Variants in VWA8 observed in about 807,000 individuals in gnomAD.
VWA8 encodes the protein von Willebrand factor A domain containing 8.
Under a neutral mutation model 241.5 loss-of-function variants are expected in VWA8, and 221 were observed. That is an observed-to-expected ratio of 0.91 (90% CI 0.82 to 1.02). VWA8 has a LOEUF of 1.02. Ranked by LOEUF, VWA8 falls within the 50% of genes least tolerant of loss-of-function variation. The pLI, the probability that VWA8 is intolerant of heterozygous loss-of-function variation, is 0.00. For synonymous variants in VWA8, 852 were observed against 827.1 expected (o/e 1.03, Z -0.52); for missense variants, 2,322 against 2,328.7 (o/e 1.00, Z 0.06).
intron 37 of VWA8, among the ~76,000 whole-genome samples, chr13:41,618,191 A>C (rs994198903): frequency 3.4e-4 from 52 of 152,224 alleles, no homozygotes; most frequent in African/African-American, 1.2e-3. Context: ...GAGATGGTAT[A>C]CCATTGTGGT....
chr13:41,667,607 C>G (rs1034651013), intron 37 of VWA8, among the ~76,000 whole-genome samples: 2 of 152,136 alleles, frequency 1.3e-5, no homozygotes, highest in African/African-American at 4.8e-5. Flanking sequence ...AAGCTATAAC[C>G]TTTTAAGCCT....
chr13:41,820,791 T>G (rs1394545931), intron 14 of VWA8, among the ~76,000 whole-genome samples: 1 of 152,156 alleles, frequency 6.6e-6, no homozygotes, highest in Non-Finnish European at 1.5e-5. Flanking sequence ...GAAAATCCTG[T>G]GAGGGAAAGC....
intron 26 of VWA8, among the ~76,000 whole-genome samples, chr13:41,705,784 G>A (rs1275018655): frequency 6.6e-6 from 1 of 152,172 alleles, no homozygotes; most frequent in Non-Finnish European, 1.5e-5. Flanking sequence ...AAGGAAGAGA[G>A]TAGAGAGAAG....
chr13:41,745,846 T>A (rs1267098608), intron 21 of VWA8, among the ~76,000 whole-genome samples: 1 of 152,210 alleles, frequency 6.6e-6, no homozygotes, highest in East Asian at 1.9e-4. Context: ...GACCCAGAGT[T>A]GTTTTTATTT....
chr13:41,590,781 A>G lies in VWA8; in HGVS notation c.4987-16T>C, dbSNP rs768306929. On this transcript the variant is annotated splice_polypyrimidine_tract_variant and intron_variant, in intron 40 of 44. Coordinates refer to ENST00000379310, the MANE Select transcript of VWA8 (RefSeq NM_015058.2). ...TACCTTTAGCCTACAAAAGACACAC[A>G]TACACACACAAAGCCTTAATTAGTT... The G allele has an allele frequency of 6.8e-6, 11 of 1,613,448 alleles. No homozygotes were observed. Among genetic ancestry groups the G allele is most frequent in the Non-Finnish European group, 9.3e-6 (11 of 1,179,552 alleles).
chr13:41,696,272 C>T (rs2045215296), intron 29 of VWA8, among the ~76,000 whole-genome samples: 1 of 152,132 alleles, frequency 6.6e-6, no homozygotes, highest in African/African-American at 2.4e-5. Flanking sequence ...ATACTTATAA[C>T]TCAGAATTTG....
In VWA8 at chr13:41,885,925, T is replaced by C. The variant is rs779815752; in HGVS notation, c.970A>G (p.Ile324Val). ...CATTAATTTATTTTACTTACCAAGA[T>C]TTGAACCGCAGCTGCTAAACTATCT... ...PLDSLAAAVQ[I>V]LDSFPMMPIK... Residue 324 changes from isoleucine (I) to valine (V), a missense_variant, in exon 8 of 45, where the codon ATC becomes GTC. Physicochemically the swap from Ile to Val is conservative, Grantham distance 29. Transcript: ENST00000379310. 34 of 1,577,606 alleles carry C rather than the reference T, an allele frequency of 2.2e-5. 1 individual carries two copies. The highest frequency in any genetic ancestry group is 1.7e-4 in the Middle Eastern group (1 of 5,966).
intron 9 of VWA8, among the ~76,000 whole-genome samples, chr13:41,882,787 G>C (rs947300437): frequency 1.4e-4 from 19 of 133,098 alleles, no homozygotes; most frequent in Admixed American, 1.2e-3. Context: ...ATCAGAGGGA[G>C]ACCGTGGAAA....
At chr13:41,747,251 G>C (rs181333298) in intron 21 of VWA8, among the ~76,000 whole-genome samples, 1 of 152,232 alleles carries the variant, frequency 6.6e-6, no homozygotes, top group East Asian at 1.9e-4. Flanking sequence ...TCTTCCATTT[G>C]TTTGTATCCT....
At chr13:41,866,099 A>G in intron 10 of VWA8, 63 bp from the exon 11 acceptor site, 5 of 1,580,802 alleles carry the variant, frequency 3.2e-6, no homozygotes, top group Non-Finnish European at 4.3e-6. Flanking sequence ...TATAATCCCA[A>G]CACTTTGGGA....
At chr13:41,612,420 T>A (rs1010349326) in intron 38 of VWA8, among the ~76,000 whole-genome samples, 1 of 152,220 alleles carries the variant, frequency 6.6e-6, no homozygotes, top group African/African-American at 2.4e-5. Flanking sequence ...ACATAATACA[T>A]ATTACATATA....
At chr13:41,570,446 T>C (rs766242551) in intron 44 of VWA8, 22 bp downstream of exon 44, 2 of 1,603,336 alleles carry the variant, frequency 1.2e-6, no homozygotes, top group Non-Finnish European at 8.5e-7. Flanking sequence ...TGCCCTTTTC[T>C]GTATGCTCAG....
intron 17 of VWA8, among the ~76,000 whole-genome samples, chr13:41,790,576 G>T (rs1031623198): frequency 6.6e-6 from 1 of 151,850 alleles, no homozygotes; most frequent in Non-Finnish European, 1.5e-5. Flanking sequence ...TGTGCTAAAG[G>T]ATCAGCATAG....
intron 43 of VWA8, among the ~76,000 whole-genome samples, chr13:41,573,206 A>G (rs9566795): frequency 0.28 from 41,954 of 150,620 alleles, 6,979 homozygotes; most frequent in African/African-American, 0.46. Context: ...TTGGGAGCTC[A>G]AGACCAGCCT....
At chr13:41,866,357 AAAT>A (rs1873306640) in intron 10 of VWA8, among the ~76,000 whole-genome samples, 1 of 147,598 alleles carries the variant, frequency 6.8e-6, no homozygotes, top group Non-Finnish European at 1.5e-5. Context: ...CCAAAAAAAA[AAAT>A]ATATATATAT....
intron 7 of VWA8, 71 bp downstream of exon 7, chr13:41,886,710 A>G: frequency 8.2e-7 from 1 of 1,221,794 alleles, no homozygotes; most frequent in Non-Finnish European, 1.2e-6. Flanking sequence ...GAATTAATTA[A>G]TCAATCAATC....
chr13:41,829,702 C>T (rs1327071167), intron 14 of VWA8, among the ~76,000 whole-genome samples: 1 of 152,082 alleles, frequency 6.6e-6, no homozygotes, highest in African/African-American at 2.4e-5. Flanking sequence ...CCAAATATTG[C>T]ATGTCATCAC....
chr13:41,643,547 C>G (rs8001817), intron 37 of VWA8, among the ~76,000 whole-genome samples: 6,174 of 152,298 alleles, frequency 0.041, 158 homozygotes, highest in South Asian at 0.078. Context: ...TTCTACCCTG[C>G]CACTTTCCAC....
intron 12 of VWA8, among the ~76,000 whole-genome samples, chr13:41,835,817 A>G (rs554536372): frequency 1.3e-5 from 2 of 152,326 alleles, no homozygotes; most frequent in African/African-American, 2.4e-5. Context: ...AAACAGATAA[A>G]TTTAAAGAAA....
Sources: allele counts gnomAD v4.1 joint callset (sites outside exome capture counted in the v4.1 genomes callset), GRCh38; gene constraint gnomAD v4.1.1; transcripts MANE v1.5; gene names NCBI Gene and HGNC (gene_info 2026-07-23, HGNC 2026-07-21).